Variants in ESRRG observed in about 807,000 individuals in gnomAD.
The protein encoded by ESRRG is estrogen related receptor gamma, also known as estrogen-related receptor gamma.
A neutral mutation model predicts 44.0 loss-of-function variants in ESRRG; 13 were observed. The ratio of observed to expected loss-of-function variants is 0.30; its 90% CI spans 0.19 to 0.47. The LOEUF (loss-of-function observed/expected upper bound fraction) is 0.47. ESRRG is among the 20% of genes least tolerant of loss of function. The probability of loss-of-function intolerance (pLI) is 1.00; values close to 1 mark genes in which losing one functional copy is unlikely to be tolerated. For missense variants in ESRRG, 395 were observed against 580.6 expected (o/e 0.68, Z 3.29); for synonymous variants, 215 against 214.6 (o/e 1.00, Z -0.02).
intron 2 of ESRRG, among the ~76,000 whole-genome samples, chr1:216,821,651 C>A (rs1408084932): frequency 7.0e-6 from 1 of 141,952 alleles, no homozygotes; most frequent in Admixed American, 7.7e-5. Context: ...CAGCACTGCA[C>A]TCCAGCCTGG....
intron 1 of ESRRG, among the ~76,000 whole-genome samples, chr1:216,710,009 T>C (rs1224503061): frequency 6.6e-6 from 1 of 152,136 alleles, no homozygotes; most frequent in Non-Finnish European, 1.5e-5. Flanking sequence ...GTTTATAGTT[T>C]TAAAAAAAGA....
intron 3 of ESRRG, among the ~76,000 whole-genome samples, chr1:216,646,890 G>A (rs1293454205): frequency 6.6e-6 from 1 of 152,142 alleles, no homozygotes; most frequent in Admixed American, 6.6e-5. Flanking sequence ...GTGAATGTGA[G>A]TCTTTTGCTC....
At chr1:216,587,629 C>A (rs1475268632) in intron 3 of ESRRG, among the ~76,000 whole-genome samples, 1 of 152,112 alleles carries the variant, frequency 6.6e-6, no homozygotes, top group African/African-American at 2.4e-5. Context: ...GTCTCCCTTC[C>A]CCCTCTTAGA....
At chr1:216,617,966 A>C (rs1180934615) in intron 3 of ESRRG, among the ~76,000 whole-genome samples, 2 of 152,198 alleles carry the variant, frequency 1.3e-5, no homozygotes, top group African/African-American at 4.8e-5. Flanking sequence ...TGATGGCATG[A>C]ATATTTTACG....
intron 2 of ESRRG, among the ~76,000 whole-genome samples, chr1:216,804,659 A>T (rs1435551003): frequency 6.6e-6 from 1 of 151,602 alleles, no homozygotes. Context: ...TTTTTAAATG[A>T]CCAAATTAAA....
At chr1:216,663,611 A>T (rs928267637) in intron 2 of ESRRG, among the ~76,000 whole-genome samples, 5 of 149,890 alleles carry the variant, frequency 3.3e-5, no homozygotes, top group African/African-American at 4.9e-5. Flanking sequence ...GATTAAAAAA[A>T]TTTTTCTCTT....
At chr1:216,579,994 C>T (rs1264322721) in intron 3 of ESRRG, among the ~76,000 whole-genome samples, 1 of 152,146 alleles carries the variant, frequency 6.6e-6, no homozygotes, top group Non-Finnish European at 1.5e-5. Flanking sequence ...CAGCTTAATT[C>T]CATAAAAATT....
At chr1:217,001,585 T>C (rs1442688306) in intron 1 of ESRRG, among the ~76,000 whole-genome samples, 2 of 152,126 alleles carry the variant, frequency 1.3e-5, no homozygotes, top group African/African-American at 4.8e-5. Flanking sequence ...TCATGAAATA[T>C]ATATAAAGAA....
rs150642524 is a variant in ESRRG, at chr1:216,929,685, C to T, written c.-14+9897G>A. Among the ~76,000 whole-genome samples, 8 of 152,130 alleles carry T rather than the reference C, an allele frequency of 5.3e-5. No individual in the cohort carries two copies. The South Asian group carries it at 1.0e-3, about 20-fold the overall frequency. ...AGGAGTTTAGGAAAGCAGAGAAGTA[C>T]GTGATGAGGCCTGAAAGGTGGGCAG... On this transcript the variant is annotated intron_variant, in intron 2 of 7. Coordinates refer to the ESRRG transcript ENST00000359162.
chr1:217,037,540 C>T (rs896822406), intron 1 of ESRRG, among the ~76,000 whole-genome samples: 1 of 152,142 alleles, frequency 6.6e-6, no homozygotes, highest in South Asian at 2.1e-4. Flanking sequence ...CTGAGTCCCT[C>T]TCACATGGGA....
intron 5 of ESRRG, among the ~76,000 whole-genome samples, chr1:216,520,177 G>A (rs1334297887): frequency 6.6e-6 from 1 of 152,160 alleles, no homozygotes; most frequent in Non-Finnish European, 1.5e-5. Context: ...AAAGGAGTCA[G>A]ATTCTGAATG....
intron 1 of ESRRG, among the ~76,000 whole-genome samples, chr1:216,951,707 A>C (rs925061138): frequency 3.8e-5 from 5 of 132,060 alleles, no homozygotes; most frequent in African/African-American, 1.4e-4. Context: ...GGTATAATGG[A>C]ACTATCACTA....
intron 2 of ESRRG, among the ~76,000 whole-genome samples, chr1:216,774,828 C>G: frequency 1.2e-5 from 1 of 86,566 alleles, no homozygotes. Context: ...GAATCTTGCT[C>G]TGTCAACCAG....
chr1:216,972,710 G>A (rs1258987103), intron 1 of ESRRG, among the ~76,000 whole-genome samples: 4 of 152,140 alleles, frequency 2.6e-5, no homozygotes, highest in South Asian at 2.1e-4. Flanking sequence ...GGCTGCATAC[G>A]CTTAGTCAGA....
At chr1:216,720,375 G>A (rs577904206) in intron 1 of ESRRG, among the ~76,000 whole-genome samples, 2 of 151,824 alleles carry the variant, frequency 1.3e-5, no homozygotes, top group East Asian at 3.9e-4. Flanking sequence ...CAAGATTGTA[G>A]GGAAAAAAAA....
chr1:216,719,807 C>T (rs1369742319), intron 1 of ESRRG, among the ~76,000 whole-genome samples: 1 of 152,016 alleles, frequency 6.6e-6, no homozygotes, highest in African/African-American at 2.4e-5. Flanking sequence ...CTGCAACACA[C>T]TAGGCTCAGT....
chr1:217,002,756 A>C lies in ESRRG; in HGVS notation c.-105-63083T>G, dbSNP rs565801596. 2.7e-3 allele frequency among the ~76,000 whole-genome samples: 418 copies of C among 152,252 alleles called. 2 individuals are homozygous for C. Among genetic ancestry groups the C allele is most frequent in the African/African-American group, 9.4e-3 (389 of 41,544 alleles). On this transcript the variant is annotated intron_variant, in intron 1 of 7. Transcript: ENST00000359162. ...GGAGAGGGACACATGGAGAGGAACC[A>C]ATTTGCCAGCCATATGAGCAAGTCA...
intron 2 of ESRRG, among the ~76,000 whole-genome samples, chr1:216,732,626 C>T (rs540013746): frequency 6.6e-6 from 1 of 151,960 alleles, no homozygotes; most frequent in South Asian, 2.1e-4. Flanking sequence ...ATCTGCCCTA[C>T]TAGTGAAAAT....
intron 2 of ESRRG, among the ~76,000 whole-genome samples, chr1:216,874,857 C>A (rs1050678230): frequency 6.6e-6 from 1 of 152,160 alleles, no homozygotes; most frequent in Non-Finnish European, 1.5e-5. Flanking sequence ...AGTCTTCTGG[C>A]CTTCATCTTT....
Sources: gnomAD v4.1 joint callset for allele counts (sites outside exome capture counted in the v4.1 genomes callset) on GRCh38, gnomAD v4.1.1 for gene constraint, MANE v1.5 for transcripts, NCBI Gene and HGNC (gene_info 2026-07-23, HGNC 2026-07-21) for gene names.